Variants in TTN observed in about 807,000 individuals in gnomAD.
TTN encodes the protein connectin.
TTN carries 1,525 observed loss-of-function variants against 3,223.0 expected under a neutral mutation model. The ratio of observed to expected loss-of-function variants is 0.47; its 90% confidence interval spans 0.45 to 0.49. The LOEUF (loss-of-function observed/expected upper bound fraction) is 0.49, where lower values mean the gene tolerates loss of function less well. Among genes scored for constraint, TTN ranks in the 20% least tolerant of loss-of-function variants. The pLI is 0.00. For synonymous variants in TTN, 14,094 were observed against 15,161.0 expected, an observed-to-expected ratio of 0.93 and a Z score of 5.17; for missense variants, 40,786 against 43,424.0, an observed-to-expected ratio of 0.94 and a Z score of 5.40.
intron 135 of TTN, 47 bp downstream of exon 135, chr2:178,682,650 G>T: frequency 6.8e-7 from 1 of 1,481,088 alleles, no homozygotes. Context: ...TCTTGTTTGA[G>T]TGTGCACATA....
At chr2:178,715,840 TG>T (rs1376353831) in intron 88 of TTN, 66 bp from the exon 89 acceptor site, 1 of 1,448,184 alleles carries the variant, frequency 6.9e-7, no homozygotes, top group Non-Finnish European at 9.2e-7. Flanking sequence ...CAAGATGAGG[TG>T]GAAAAAATAA....
At position 178,567,989 on chromosome 2, in the gene TTN, G is replaced by C. The variant is rs1383437099; in HGVS notation, c.78143C>G (p.Thr26048Ser). ...TTCAAGATTCTGTGCTTTGAATTGG[G>C]TGTCATGAATAATAGTTTTGTTGAC... ...TKVNKTIIHDTQFKAQNLEEG... is the reference protein window; with the variant it reads ...TKVNKTIIHDSQFKAQNLEEG... The change falls in exon 326 of 363, where the codon ACC becomes AGC. Residue 26048 changes from threonine to serine, a missense_variant. By Grantham distance (58) the Thr-to-Ser change is moderately conservative. Coordinates refer to ENST00000589042, the MANE Select transcript of TTN (RefSeq NM_001267550.2). The C allele has an allele frequency of 6.2e-7, 1 of 1,613,462 alleles. No homozygotes were observed. Among genetic ancestry groups the C allele is most frequent in the Admixed American group, 1.7e-5 (1 of 59,972 alleles).
intron 274 of TTN, 44 bp from the exon 275 acceptor site, chr2:178,608,521 T>C (rs771558084): frequency 3.2e-6 from 5 of 1,559,330 alleles, no homozygotes; most frequent in Non-Finnish European, 4.3e-6. Context: ...CAGTATGACA[T>C]AAAAATGCAA....
chr2:178,794,997 A>G lies in TTN; in HGVS notation c.1170T>C (p.Gly390=), dbSNP rs2093691263. Residue 390 remains glycine, a synonymous_variant, in exon 7 of 363, where the codon GGT becomes GGC. Coordinates refer to ENST00000589042, the MANE Select transcript of TTN (RefSeq NM_001267550.2). ...YGVQEQVTIS[G]AAGAAASVSA... is the part of the protein sequence containing the mutation. ...ACACACTGGCGGCAGCACCCGCAGCACCACTGATGGTCACTTGCTCCTGGA... is the reference window on the plus strand; with the variant it reads ...ACACACTGGCGGCAGCACCCGCAGCGCCACTGATGGTCACTTGCTCCTGGA... 1 of 1,609,908 alleles carries G rather than the reference A, an allele frequency of 6.2e-7. No individual in the cohort carries two copies. The highest frequency in any genetic ancestry group is 8.5e-7 in the Non-Finnish European group (1 of 1,179,976).
intron 257 of TTN, 56 bp from the exon 258 acceptor site, chr2:178,615,844 CA>C: frequency 1.3e-6 from 2 of 1,543,382 alleles, no homozygotes; most frequent in Non-Finnish European, 1.7e-6. Context: ...TTCGCCAACC[CA>C]AAAGATTTTT....
rs1297535477 is a variant in TTN at position 178,776,844 on chromosome 2, C to T, written c.5020G>A (p.Ala1674Thr). ...AAATGGAGGGGCTCCAGTTCTGGGG[C>T]TGCAATCTCCTTTGCTCTATATGTC... is the stretch of plus-strand genomic sequence containing the variant. Reference protein sequence around the residue: ...RGTYRAKEIAAPELEPLHLRY... With the variant: ...RGTYRAKEIATPELEPLHLRY... Residue 1674 changes from alanine (A) to threonine (T), a missense_variant, in exon 28 of 363, where the codon GCC becomes ACC. Ala to Thr is a moderately conservative substitution (Grantham distance 58). Coordinates refer to ENST00000589042, the MANE Select transcript of TTN (RefSeq NM_001267550.2). 6.2e-7 allele frequency: 1 copy of T among 1,613,960 alleles called. No homozygotes were observed. The highest frequency in any genetic ancestry group is 1.3e-5 in the African/African-American group (1 of 74,912).
chr2:178,799,868 G>A lies in TTN; in HGVS notation c.626C>T (p.Ser209Leu), dbSNP rs372632047. 33 of 1,614,092 alleles carry A rather than the reference G, an allele frequency of 2.0e-5. No individual in the cohort carries two copies. The highest frequency in any genetic ancestry group is 2.6e-5 in the Non-Finnish European group (31 of 1,180,010). Reference sequence around the variant, plus strand: ...TCTTGATTCTGAGATCTGAGCAGTCGAAACAATTGTCTTTGTCTTTTTAGC... The same window carrying A: ...TCTTGATTCTGAGATCTGAGCAGTCAAAACAATTGTCTTTGTCTTTTTAGC... ...VPAKKTKTIV[S>L]TAQISESRQT... Residue 209 changes from serine (S) to leucine (L), a missense_variant, in exon 5 of 363, where the codon TCG becomes TTG. By Grantham distance (145) the Ser-to-Leu change is moderately radical. Transcript: ENST00000589042.
At chr2:178,802,722 A>C (rs1270593435) in intron 2 of TTN, among the ~76,000 whole-genome samples, 1 of 152,214 alleles carries the variant, frequency 6.6e-6, no homozygotes, top group East Asian at 1.9e-4. Context: ...ATTTGAAATA[A>C]AGAGTGATTG....
In TTN at chr2:178,629,366, G is replaced by A; in HGVS notation, c.44359C>T (p.Leu14787Phe). ...TCCACTGGGATATCTTCGTAGGAGA[G>A]CTCGCAGTCGAAGGTGGCTGTTTCC... ...AGETATFDCE[L>F]SYEDIPVEWY... The change falls in exon 240 of 363, where the codon CTC becomes TTC. Residue 14787 changes from leucine (L) to phenylalanine (F), a missense_variant. Leu to Phe is a conservative substitution (Grantham distance 22). Coordinates refer to ENST00000589042, the MANE Select transcript of TTN (RefSeq NM_001267550.2). 1 of 1,612,970 alleles carries A rather than the reference G, an allele frequency of 6.2e-7. No individual in the cohort carries two copies. Among genetic ancestry groups the A allele is most frequent in the Non-Finnish European group, 8.5e-7 (1 of 1,179,348 alleles).
chr2:178,564,675 CAA>C lies in TTN; in HGVS notation c.81455_81456del (p.Ile27152SerfsTer7), dbSNP rs1265868770. The C allele has an allele frequency of 1.2e-6, 2 of 1,613,350 alleles. No homozygotes were observed. Among genetic ancestry groups the C allele is most frequent in the Non-Finnish European group, 1.7e-6 (2 of 1,179,692 alleles). Reference protein sequence around the residue: ...EYEFKVSAENIVGIGKPSKVS... With the variant: ...EYEFKVSAENXVGIGKPSKVS... ...ACTTTGCTAGGCTTGCCAATGCCAA[CAA>C]TATTTTCAGCAGAAACTTTGAACTC... On this transcript the variant is annotated frameshift_variant, in exon 326 of 363. Transcript: ENST00000589042. LOFTEE classifies it high-confidence loss of function.
In TTN at chr2:178,572,083, T is replaced by C. The variant is rs752102650; in HGVS notation, c.74049A>G (p.Glu24683=). ...EATITGLIQG[E]EYSFRVSAQN... The stretch of plus-strand genomic sequence containing the variant: ...GAGCTGAAACACGGAAAGAGTATTC[T>C]TCACCCTGAATTAATCCAGTGATAG... The change falls in exon 326 of 363, where the codon GAA becomes GAG. Residue 24683 remains glutamate (E), a synonymous_variant. Coordinates refer to ENST00000589042, the MANE Select transcript of TTN (RefSeq NM_001267550.2). The C allele has an allele frequency of 1.2e-6, 2 of 1,613,292 alleles. No individual in the cohort carries two copies. Among genetic ancestry groups the C allele is most frequent in the Non-Finnish European group, 1.7e-6 (2 of 1,179,558 alleles).
In TTN at chr2:178,795,195, T is replaced by C. The variant is rs1060503973; in HGVS notation, c.972A>G (p.Pro324=). The C allele has an allele frequency of 6.2e-7, 1 of 1,614,144 alleles. No individual in the cohort carries two copies. The highest frequency in any genetic ancestry group is 8.5e-7 in the Non-Finnish European group (1 of 1,180,014). Residue 324 remains proline (P), a synonymous_variant, in exon 7 of 363, where the codon CCA becomes CCG. Coordinates refer to ENST00000589042, the MANE Select transcript of TTN (RefSeq NM_001267550.2). ...STSPIRSVRS[P]LLMRKTQAST... ...ATGCCTGAGTCTTACGCATGAGCAATGGAGACCTAACAGACCTGATGGGGG... is the reference window on the plus strand; with the variant it reads ...ATGCCTGAGTCTTACGCATGAGCAACGGAGACCTAACAGACCTGATGGGGG...
At chr2:178,803,903 C>T (rs889133608) in intron 2 of TTN, among the ~76,000 whole-genome samples, 1 of 152,048 alleles carries the variant, frequency 6.6e-6, no homozygotes, top group African/African-American at 2.4e-5. Flanking sequence ...AAGAGATGAA[C>T]TTCCTTTCAG....
Position 178,527,077 on chromosome 2 carries a change from G to C in TTN, c.107911C>G (p.Leu35971Val). 1 of 1,613,896 alleles carries C rather than the reference G, an allele frequency of 6.2e-7. No homozygotes were observed. The highest frequency in any genetic ancestry group is 8.5e-7 in the Non-Finnish European group (1 of 1,179,856). ...GATCCAAATTCATTCCCTAAACTCAGGGTATAAAGTCCACCATCTTGTTTC... is the reference window on the plus strand; with the variant it reads ...GATCCAAATTCATTCCCTAAACTCACGGTATAAAGTCCACCATCTTGTTTC... ...VQKQDGGLYT[L>V]SLGNEFGSDS... Residue 35971 changes from leucine (L) to valine (V), a missense_variant, in exon 363 of 363, where the codon CTG (leucine) becomes GTG (valine). Leu to Val is a conservative substitution (Grantham distance 32). Transcript: ENST00000589042.
intron 241 of TTN, 77 bp from the exon 242 acceptor site, chr2:178,624,808 G>C: frequency 6.6e-7 from 1 of 1,526,446 alleles, no homozygotes; most frequent in Non-Finnish European, 8.9e-7. Context: ...ACTTTCCCCT[G>C]CCATCTCCAG....
At chr2:178,670,194 T>A in intron 157 of TTN, 24 bp downstream of exon 157, 1 of 1,405,576 alleles carries the variant, frequency 7.1e-7, no homozygotes, top group Non-Finnish European at 9.3e-7. Flanking sequence ...TTTATATTAA[T>A]GATGAATGAG....
In TTN at chr2:178,692,499, T is replaced by C; in HGVS notation, c.31676A>G (p.Lys10559Arg). Residue 10559 changes from lysine to arginine, a missense_variant and splice_region_variant, in exon 120 of 363, where the codon AAA (lysine) becomes AGA (arginine). Physicochemically the swap from Lys to Arg is conservative, Grantham distance 26 (BLOSUM62 2). Transcript: ENST00000589042. Reference protein sequence around the residue: ...IPKKVEPPAPKVPEVPKKPVP... With the variant: ...IPKKVEPPAPRVPEVPKKPVP... ...TTTTTTCACAAATATTATTCTACCT[T>C]TTGGTGCTGGGGGCTCCACTTTTTT... 1.3e-6 allele frequency: 2 copies of C among 1,575,608 alleles called. No homozygotes were observed. Among genetic ancestry groups the C allele is most frequent in the South Asian group, 2.3e-5 (2 of 85,772 alleles).
chr2:178,585,474 G>T, intron 308 of TTN, 127 bp from the exon 309 acceptor site: 1 of 1,002,750 alleles, frequency 1.0e-6, no homozygotes, highest in Non-Finnish European at 1.4e-6. Context: ...TTTAAGTTCT[G>T]GGATACATAT....
intron 43 of TTN, among the ~76,000 whole-genome samples, chr2:178,759,850 C>T (rs2088569034): frequency 1.3e-5 from 2 of 152,076 alleles, no homozygotes; most frequent in South Asian, 2.1e-4. Context: ...AGTTATAAGA[C>T]ATTATAATAA....
Sources: allele counts gnomAD v4.1 joint callset (sites outside exome capture counted in the v4.1 genomes callset), GRCh38; gene constraint gnomAD v4.1.1; transcripts MANE v1.5; gene names NCBI Gene and HGNC (gene_info 2026-07-23, HGNC 2026-07-21).